The following COL4A3 variants were observed in gnomAD, a reference collection of about 807,000 sequenced individuals.
COL4A3 encodes the protein collagen type IV alpha 3 chain, also known as collagen alpha-3(IV) chain.
A neutral mutation model predicts 217.4 loss-of-function variants in COL4A3; 135 were observed. The ratio of observed to expected loss-of-function variants is 0.62; its 90% CI spans 0.54 to 0.72. COL4A3 has a LOEUF of 0.72. COL4A3 is among the 30% of genes least tolerant of loss of function. COL4A3 has a pLI of 0.00. For missense variants in COL4A3, 1,868 were observed against 2,119.9 expected, an observed-to-expected ratio of 0.88 and a Z score of 2.33; for synonymous variants, 690 against 736.3, an observed-to-expected ratio of 0.94 and a Z score of 1.02.
At chr2:227,203,930 C>A (rs948862387) in intron 1 of COL4A3, among the ~76,000 whole-genome samples, 29 of 152,090 alleles carry the variant, frequency 1.9e-4, no homozygotes, top group Admixed American at 1.8e-3. Context: ...TGTCTAATGT[C>A]AATTGCTGGA....
At position 227,223,295 on chromosome 2, in the gene COL4A3, T is replaced by C. The variant is rs62277835; in HGVS notation, c.88-14673T>C. Among the ~76,000 whole-genome samples, 1,375 of 152,318 alleles carry C rather than the reference T, an allele frequency of 9.0e-3. 12 individuals are homozygous for C. The highest frequency in any genetic ancestry group is 0.014 in the Non-Finnish European group (928 of 68,028). ...ATACATGAAAAGTTGAGAACCACTG[T>C]CCTAAGGTTCTGTTGGAATATCATG... On this transcript the variant is annotated intron_variant, in intron 1 of 51. Transcript: ENST00000396578.
chr2:227,276,811 T>C (rs1051972611), intron 27 of COL4A3, among the ~76,000 whole-genome samples: 4 of 152,234 alleles, frequency 2.6e-5, no homozygotes, highest in African/African-American at 9.6e-5. Flanking sequence ...CATCAGGATA[T>C]TTTCCATAGC....
intron 1 of COL4A3, among the ~76,000 whole-genome samples, chr2:227,199,287 G>A (rs1456658026): frequency 3.9e-5 from 6 of 152,136 alleles, no homozygotes; most frequent in Non-Finnish European, 8.8e-5. Flanking sequence ...GAATTTCCTT[G>A]TCTATTTCAC....
rs541536651 is a variant in COL4A3, at chr2:227,179,713, A to G, written c.87+14900A>G. Among the ~76,000 whole-genome samples the G allele has an allele frequency of 7.2e-5, 11 of 152,368 alleles. No homozygotes were observed. In the East Asian group the frequency reaches 2.1e-3, roughly 29 times the overall value. On this transcript the variant is annotated intron_variant, in intron 1 of 51. Transcript: ENST00000396578. Reference sequence around the variant, plus strand: ...CCATATCTTACTATGTGAGGGGTACAGTGCTACACGCTGGGAACAAAGGGA... The same window carrying G: ...CCATATCTTACTATGTGAGGGGTACGGTGCTACACGCTGGGAACAAAGGGA...
chr2:227,266,912 GAT>G, intron 22 of COL4A3, 79 bp from the exon 23 acceptor site: 1 of 904,774 alleles, frequency 1.1e-6, no homozygotes, highest in East Asian at 2.5e-5. Flanking sequence ...TGTAATAAAT[GAT>G]AGTGTGGTTG....
At chr2:227,201,509 C>A (rs1559817521) in intron 1 of COL4A3, among the ~76,000 whole-genome samples, 1 of 152,136 alleles carries the variant, frequency 6.6e-6, no homozygotes, top group African/African-American at 2.4e-5. Context: ...GCACTGTATC[C>A]GTTTCCAGTT....
At chr2:227,296,067 C>G (rs908244292) in intron 41 of COL4A3, among the ~76,000 whole-genome samples, 3 of 152,178 alleles carry the variant, frequency 2.0e-5, no homozygotes, top group Admixed American at 6.5e-5. Context: ...TTGATGTTCA[C>G]GCAAACCAGC....
Position 227,261,323 on chromosome 2 carries a change from G to C in COL4A3, c.1150+206G>C, listed in dbSNP as rs552186966. Among the ~76,000 whole-genome samples the C allele has an allele frequency of 3.3e-5, 5 of 152,142 alleles. No homozygotes were observed. The East Asian group carries it at 9.6e-4, about 29-fold the overall frequency. ...GTGGATCACCTGAGGTCAGGAGTTC[G>C]AGACCAGCCTGGCAAACATGGCAAA... On this transcript the variant is annotated intron_variant, in intron 20 of 51. Transcript: ENST00000396578.
At chr2:227,254,090 T>G in intron 13 of COL4A3, 22 bp from the exon 14 acceptor site, 1 of 1,608,208 alleles carries the variant, frequency 6.2e-7, no homozygotes, top group Non-Finnish European at 8.5e-7. Context: ...TTTGTAACAA[T>G]GTTGAACTGT....
At chr2:227,217,852 C>A (rs1269759625) in intron 1 of COL4A3, among the ~76,000 whole-genome samples, 1 of 151,840 alleles carries the variant, frequency 6.6e-6, no homozygotes, top group Non-Finnish European at 1.5e-5. Context: ...AATTTGGAGG[C>A]CTTACAGTTA....
At chr2:227,249,212 G>GCATATA (rs1553751604) in intron 9 of COL4A3, among the ~76,000 whole-genome samples, 1 of 33,230 alleles carries the variant, frequency 3.0e-5, no homozygotes, top group African/African-American at 1.0e-4. Context: ...AAATTAGCTA[G>GCATATA]TATATATATA....
At chr2:227,297,936 T>C (rs1042835901) in intron 42 of COL4A3, 77 bp downstream of exon 42, 4 of 1,437,668 alleles carry the variant, frequency 2.8e-6, no homozygotes, top group Non-Finnish European at 3.8e-6. Flanking sequence ...CTCCTCCTCA[T>C]GTTACCTTGT....
At chr2:227,242,384 G>A (rs758526383) in intron 3 of COL4A3, among the ~76,000 whole-genome samples, 7 of 152,178 alleles carry the variant, frequency 4.6e-5, no homozygotes, top group African/African-American at 7.2e-5. Context: ...GTGCATTACC[G>A]TCCTGGAACG....
chr2:227,268,468 T>C (rs2071048364), intron 23 of COL4A3: 2 of 152,224 alleles, frequency 1.3e-5, no homozygotes, highest in South Asian at 4.1e-4. Context: ...TTATACATTA[T>C]CACTGTCCAG....
At chr2:227,294,609 G>A in intron 39 of COL4A3, 39 bp downstream of exon 39, 1 of 1,386,846 alleles carries the variant, frequency 7.2e-7, no homozygotes, top group Non-Finnish European at 1.0e-6. Context: ...TTTTCATGTG[G>A]GAGACACATT....
At chr2:227,214,697 G>A (rs1574588784) in intron 1 of COL4A3, among the ~76,000 whole-genome samples, 1 of 152,220 alleles carries the variant, frequency 6.6e-6, no homozygotes, top group African/African-American at 2.4e-5. Flanking sequence ...GGCACTAGCT[G>A]TGTCAAATGA....
At chr2:227,181,091 G>T (rs1434006909) in intron 1 of COL4A3, among the ~76,000 whole-genome samples, 1 of 152,082 alleles carries the variant, frequency 6.6e-6, no homozygotes, top group African/African-American at 2.4e-5. Flanking sequence ...CTTTTGTGAT[G>T]ACTTTATCAG....
intron 3 of COL4A3, among the ~76,000 whole-genome samples, chr2:227,243,471 T>C (rs1483758766): frequency 6.6e-6 from 1 of 152,238 alleles, no homozygotes; most frequent in East Asian, 1.9e-4. Flanking sequence ...ATCACGTGAA[T>C]AGAATTCTGT....
intron 3 of COL4A3, among the ~76,000 whole-genome samples, chr2:227,243,247 A>G (rs2069131034): frequency 1.3e-5 from 2 of 152,338 alleles, no homozygotes; most frequent in East Asian, 3.9e-4. Flanking sequence ...ATGTTGTCAT[A>G]GATTGATATT....
Sources: allele counts gnomAD v4.1 joint callset (sites outside exome capture counted in the v4.1 genomes callset), GRCh38; gene constraint gnomAD v4.1.1; transcripts MANE v1.5; gene names NCBI Gene and HGNC (gene_info 2026-07-23, HGNC 2026-07-21).